Variants in MYO5B observed in about 807,000 individuals in gnomAD.
The protein encoded by MYO5B is myosin VB.
In MYO5B, 143 loss-of-function variants were observed where a neutral mutation model predicts 229.3. The ratio of observed to expected loss-of-function variants is 0.62; its 90% CI spans 0.54 to 0.72. The LOEUF is 0.72. Among genes scored for constraint, MYO5B ranks in the 30% least tolerant of loss-of-function variants. MYO5B has a pLI of 0.00. For missense variants in MYO5B, 2,321 were observed against 2,331.0 expected (o/e 1.00, Z 0.09); for synonymous variants, 918 against 885.2 (o/e 1.04, Z -0.66).
intron 1 of MYO5B, among the ~76,000 whole-genome samples, chr18:50,182,880 G>C (rs2033092764): frequency 6.6e-6 from 1 of 152,126 alleles, no homozygotes; most frequent in African/African-American, 2.4e-5. Flanking sequence ...CCAATTCAAT[G>C]ATATTTGTTG....
chr18:49,876,638 A>G (rs1363346479), intron 25 of MYO5B, among the ~76,000 whole-genome samples: 3 of 152,242 alleles, frequency 2.0e-5, no homozygotes, highest in African/African-American at 2.4e-5. Flanking sequence ...CTACATGTAG[A>G]TAGTCACACA....
chr18:49,845,066 A>G (rs2024108450), intron 33 of MYO5B, among the ~76,000 whole-genome samples: 1 of 152,202 alleles, frequency 6.6e-6, no homozygotes, highest in Admixed American at 6.5e-5. Context: ...AGCAAGGGTC[A>G]TCTCATGCTG....
At chr18:49,953,922 G>A (rs1598908332) in intron 13 of MYO5B, among the ~76,000 whole-genome samples, 2 of 95,656 alleles carry the variant, frequency 2.1e-5, no homozygotes, top group East Asian at 4.7e-4. Flanking sequence ...GTGTGTGTGT[G>A]TGTGTGTGTG....
intron 14 of MYO5B, among the ~76,000 whole-genome samples, chr18:49,944,350 C>A (rs532271307): frequency 6.6e-6 from 1 of 152,144 alleles, no homozygotes; most frequent in South Asian, 2.1e-4. Context: ...ATGACTAGAA[C>A]CAGCAATGGC....
intron 1 of MYO5B, among the ~76,000 whole-genome samples, chr18:50,127,019 T>C (rs2032175012): frequency 6.6e-6 from 1 of 152,238 alleles, no homozygotes; most frequent in Non-Finnish European, 1.5e-5. Flanking sequence ...TTAGCTGTTA[T>C]TCTCATAATC....
At position 49,878,944 on chromosome 18, in the gene MYO5B, C is replaced by T. The variant is rs758612678; in HGVS notation, c.3276+1G>A. The T allele has an allele frequency of 6.2e-7, 1 of 1,614,100 alleles. No homozygotes were observed. The highest frequency in any genetic ancestry group is 2.2e-5 in the East Asian group (1 of 44,878). ...TGGCACAGCAGAAGCACCCCCCTTGCCTTTATGATGGTCATTTCATCCCGA... is the reference window on the plus strand; with the variant it reads ...TGGCACAGCAGAAGCACCCCCCTTGTCTTTATGATGGTCATTTCATCCCGA... On this transcript the variant is annotated splice_donor_variant, in intron 24 of 39. Transcript: ENST00000285039. LOFTEE classifies it high-confidence loss of function.
intron 21 of MYO5B, among the ~76,000 whole-genome samples, chr18:49,897,868 T>C (rs1431544269): frequency 6.6e-6 from 1 of 152,186 alleles, no homozygotes; most frequent in African/African-American, 2.4e-5. Context: ...GAAAGTAATG[T>C]CCTGGACCTT....
chr18:50,075,815 G>A (rs1389254713), intron 1 of MYO5B, among the ~76,000 whole-genome samples: 1 of 152,224 alleles, frequency 6.6e-6, no homozygotes, highest in East Asian at 1.9e-4. Context: ...AGAACCCCAG[G>A]ACAACAGCTT....
chr18:50,000,156 A>G (rs2026030357), intron 5 of MYO5B, among the ~76,000 whole-genome samples: 1 of 152,186 alleles, frequency 6.6e-6, no homozygotes, highest in South Asian at 2.1e-4. Flanking sequence ...AGGAAGAGAG[A>G]AAGAGGGGAC....
intron 1 of MYO5B, among the ~76,000 whole-genome samples, chr18:50,191,154 C>T (rs2033220978): frequency 6.6e-6 from 1 of 152,234 alleles, no homozygotes; most frequent in South Asian, 2.1e-4. Context: ...GGTTAGGCAA[C>T]TACACAACTG....
At chr18:50,128,033 A>G (rs191760370) in intron 1 of MYO5B, among the ~76,000 whole-genome samples, 7 of 152,148 alleles carry the variant, frequency 4.6e-5, no homozygotes, top group African/African-American at 1.4e-4. Context: ...AGGCCTTTGG[A>G]CTCAGCCTGG....
At chr18:50,078,918 G>C (rs1169455049) in intron 1 of MYO5B, among the ~76,000 whole-genome samples, 1 of 152,224 alleles carries the variant, frequency 6.6e-6, no homozygotes, top group Non-Finnish European at 1.5e-5. Context: ...CAATGAGAAG[G>C]AAGAAGCCAC....
At chr18:49,835,464 G>T in intron 38 of MYO5B, 40 bp from the exon 39 acceptor site, 1 of 1,291,104 alleles carries the variant, frequency 7.7e-7, no homozygotes, top group South Asian at 1.2e-5. Context: ...AGAGCTAAAT[G>T]AACATGAGAC....
Position 49,908,603 on chromosome 18 carries a change from A to G in MYO5B, c.2203-1973T>C, listed in dbSNP as rs571513365. The stretch of plus-strand genomic sequence containing the variant: ...TCTCCTCTACACAGTGCTCACACAC[A>G]TCCTTGTGCTCCGTTGGCTCCCTGC... On this transcript the variant is annotated intron_variant, in intron 18 of 39. Transcript: ENST00000285039. 2.1e-3 allele frequency among the ~76,000 whole-genome samples: 320 copies of G among 152,208 alleles called. 5 individuals are homozygous for G. Among genetic ancestry groups the G allele is most frequent in the Non-Finnish European group, 3.1e-3 (211 of 67,998 alleles).
intron 17 of MYO5B, among the ~76,000 whole-genome samples, chr18:49,928,666 T>C (rs960658694): frequency 2.6e-5 from 4 of 152,110 alleles, no homozygotes; most frequent in African/African-American, 7.2e-5. Flanking sequence ...AAAAAGACAC[T>C]GGCACAGGCA....
At position 50,055,369 on chromosome 18, in the gene MYO5B, C is replaced by A. The variant is rs556931697; in HGVS notation, c.37G>T (p.Val13Phe). The A allele has an allele frequency of 5.0e-6, 8 of 1,613,264 alleles. No homozygotes were observed. In the South Asian group the frequency reaches 6.6e-5, roughly 13 times the overall value. ...VGELYSQCTR[V>F]WIPDPDEVWR... ...ACCTCATCAGGGTCAGGGATCCAGA[C>A]CCTTGTGCACTGAAAGATTAAAACA... The change falls in exon 2 of 40, where the codon GTC becomes TTC. Residue 13 changes from valine (V) to phenylalanine (F), a missense_variant. By Grantham distance (50) the Val-to-Phe change is conservative. This residue lies in a region of MYO5B where 2,113 missense variants were observed against 2,044.7 expected (regional missense o/e 1.03). Transcript: ENST00000285039.
chr18:50,133,958 T>C (rs1051923084), intron 1 of MYO5B, among the ~76,000 whole-genome samples: 1 of 152,118 alleles, frequency 6.6e-6, no homozygotes, highest in African/African-American at 2.4e-5. Context: ...CATGCTGCCT[T>C]ATGTATAAGA....
intron 14 of MYO5B, among the ~76,000 whole-genome samples, chr18:49,947,045 G>C (rs2025381480): frequency 1.3e-5 from 2 of 150,516 alleles, no homozygotes; most frequent in Admixed American, 6.6e-5. Context: ...CCTCACCTGA[G>C]AAGTGTCCCA....
At chr18:50,012,531 T>A (rs2026173105) in intron 4 of MYO5B, among the ~76,000 whole-genome samples, 1 of 152,210 alleles carries the variant, frequency 6.6e-6, no homozygotes, top group Non-Finnish European at 1.5e-5. Context: ...ACAATTGAAA[T>A]AATGATGTAG....
Sources: gnomAD v4.1 joint callset for allele counts (sites outside exome capture counted in the v4.1 genomes callset) on GRCh38, gnomAD v4.1.1 for gene constraint, gnomAD v4.1.1 regional missense constraint, MANE v1.5 for transcripts, NCBI Gene and HGNC (gene_info 2026-07-23, HGNC 2026-07-21) for gene names.